The following PAK3 variants were observed in gnomAD, a reference collection of about 807,000 sequenced individuals.
The protein encoded by PAK3 is serine/threonine-protein kinase PAK 3.
A neutral mutation model predicts 41.0 loss-of-function variants in PAK3; 4 were observed. The ratio of observed to expected loss-of-function variants is 0.10; its 90% confidence interval spans 0.05 to 0.22. PAK3 has a LOEUF of 0.22. Ranked by LOEUF, PAK3 falls within the 10% of genes least tolerant of loss-of-function variation. The probability of loss-of-function intolerance (pLI) is 1.00; values close to 1 mark genes in which losing one functional copy is unlikely to be tolerated. For synonymous variants in PAK3, 146 were observed against 139.6 expected (o/e 1.05, Z -0.32); for missense variants, 205 against 409.9 (o/e 0.50, Z 4.32).
chrX:111,167,244 A>G (rs1603339883), intron 10 of PAK3, among the ~76,000 whole-genome samples: 1 of 111,271 alleles, frequency 9.0e-6, no homozygotes. Context: ...TCTTGGACTC[A>G]AAGGCCACAT....
Position 111,155,835 on chromosome X carries a change from C to T in PAK3, c.468+3388C>T, listed in dbSNP as rs146343864. Among the ~76,000 whole-genome samples, 24 of 111,224 alleles carry T rather than the reference C, an allele frequency of 2.2e-4. No homozygotes were observed. In the East Asian group the frequency reaches 5.7e-3, roughly 26 times the overall value. ...TGTGTTGGTGAGTAGAGCAAGGAAA[C>T]AAGGAATATGGGGTTGAATGAAAAC... On this transcript the variant is annotated intron_variant, in intron 8 of 17. Transcript: ENST00000372007.
chrX:111,031,795 A>G (rs760238700), intron 1 of PAK3, among the ~76,000 whole-genome samples: 1 of 111,685 alleles, frequency 9.0e-6, no homozygotes, highest in African/African-American at 3.2e-5. Context: ...TGGGATTTGT[A>G]TTTTTACTAA....
At chrX:111,074,493 C>A (rs1028478499) in intron 1 of PAK3, among the ~76,000 whole-genome samples, 1 of 111,686 alleles carries the variant, frequency 9.0e-6, no homozygotes, top group Admixed American at 9.5e-5. Context: ...AGGCCCTCAC[C>A]CAGAAGCTGA....
intron 4 of PAK3, among the ~76,000 whole-genome samples, chrX:111,115,455 A>AT (rs1182028769): frequency 8.9e-6 from 1 of 111,861 alleles, no homozygotes; most frequent in Non-Finnish European, 1.9e-5. Context: ...CTAAATGTTT[A>AT]TCCCCCACCA....
chrX:111,198,499 T>C (rs2094640800), intron 16 of PAK3, among the ~76,000 whole-genome samples: 1 of 112,347 alleles, frequency 8.9e-6, no homozygotes, highest in African/African-American at 3.2e-5. Flanking sequence ...AGTTGATTTT[T>C]GCATATGATG....
rs1352401031 is a variant in PAK3, at chrX:111,221,993, TTC to T, written c.*1548_*1549del. ...TTCAACAGTTGGCACTTCCTGAATC[TTC>T]TGAGAGTAGAAAAATATCTGCGGAG... On this transcript the variant is annotated 3_prime_UTR_variant, in exon 18 of 18. Transcript: ENST00000372007. The T allele has an allele frequency of 8.9e-6, 1 of 112,254 alleles. No homozygotes were observed. Among genetic ancestry groups the T allele is most frequent in the African/African-American group, 3.2e-5 (1 of 30,935 alleles). 9.3% of individuals were successfully genotyped at this position (112,254 alleles called of 1,213,427 possible). A position where few individuals can be genotyped will look rare whatever the true frequency, so the allele number is the denominator to read the frequency against.
chrX:110,993,599 A>G (rs2091688261), intron 1 of PAK3, among the ~76,000 whole-genome samples: 1 of 112,021 alleles, frequency 8.9e-6, no homozygotes, highest in African/African-American at 3.2e-5. Context: ...TAACTTGATC[A>G]ATATGTTACT....
At chrX:110,976,704 C>T (rs1207333337) in intron 1 of PAK3, among the ~76,000 whole-genome samples, 2 of 111,646 alleles carry the variant, frequency 1.8e-5, no homozygotes, top group East Asian at 2.8e-4. Flanking sequence ...GACTTGGAAC[C>T]AACCCAAATG....
rs375144673 is a variant in PAK3 at position 111,147,824 on chromosome X, G to A, written c.364G>A (p.Val122Ile). The part of the protein sequence containing the change: ...QKKNPQAVLD[V>I]LKFYDSKETV... ...GAAGAACCCACAAGCTGTTCTAGAT[G>A]TTCTCAAATTCTATGATTCCAAAGA... Residue 122 changes from valine (V) to isoleucine (I), a missense_variant, in exon 7 of 18, where the codon GTT becomes ATT. This residue lies in a region of PAK3 where 22 missense variants were observed against 83.5 expected (regional missense o/e 0.26). Transcript: ENST00000372007. 1.7e-6 allele frequency: 2 copies of A among 1,189,204 alleles called. No homozygotes were observed. The highest frequency in any genetic ancestry group is 2.3e-6 in the Non-Finnish European group (2 of 874,944).
intron 1 of PAK3, among the ~76,000 whole-genome samples, chrX:111,073,801 T>G (rs975537582): frequency 5.3e-5 from 6 of 112,189 alleles, no homozygotes; most frequent in African/African-American, 1.9e-4. Context: ...CCAATTCTTC[T>G]GAAACTCTTT....
At position 111,098,933 on chromosome X, in the gene PAK3, C is replaced by G. The variant is rs113721400; in HGVS notation, c.-176+1249C>G. ...GTCCCCCACCCCCACCCCCACCTGC[C>G]GGGGGCTAGGCGTTTCCCTCTGCAG... On this transcript the variant is annotated intron_variant, in intron 3 of 17. Transcript: ENST00000372007. 4 of 111,621 alleles carry G rather than the reference C, an allele frequency of 3.6e-5. No individual in the cohort carries two copies. In the East Asian group the frequency reaches 1.1e-3, roughly 32 times the overall value. The allele number at this position is 111,621 out of a possible 1,213,427, so 9.2% of individuals were successfully genotyped here.
intron 16 of PAK3, among the ~76,000 whole-genome samples, chrX:111,207,730 G>T (rs1261805652): frequency 8.9e-6 from 1 of 112,135 alleles, no homozygotes; most frequent in African/African-American, 3.2e-5. Flanking sequence ...CAGTGGTATT[G>T]ATGATCCTGA....
intron 10 of PAK3, among the ~76,000 whole-genome samples, chrX:111,168,150 C>T (rs1046287155): frequency 8.9e-6 from 1 of 111,889 alleles, no homozygotes; most frequent in Non-Finnish European, 1.9e-5. Flanking sequence ...GGTGGGAGTT[C>T]ACCTTAGCTT....
chrX:111,050,756 T>TG (rs2092549879), intron 1 of PAK3, among the ~76,000 whole-genome samples: 1 of 112,737 alleles, frequency 8.9e-6, no homozygotes, highest in Non-Finnish European at 1.9e-5. Context: ...TATCAGAGAC[T>TG]GATTGTTCTG....
At chrX:111,018,842 CT>C (rs1397133427) in intron 1 of PAK3, among the ~76,000 whole-genome samples, 1 of 111,761 alleles carries the variant, frequency 8.9e-6, no homozygotes, top group Non-Finnish European at 1.9e-5. Context: ...TCAAAACATA[CT>C]ACGAAGCTTA....
chrX:111,010,209 A>G (rs1314265462), intron 1 of PAK3, among the ~76,000 whole-genome samples: 2 of 111,785 alleles, frequency 1.8e-5, no homozygotes, highest in East Asian at 2.8e-4. Flanking sequence ...TTTTTGCAAA[A>G]TGTAAAGTGC....
At chrX:111,030,967 C>A (rs1482576292) in intron 1 of PAK3, among the ~76,000 whole-genome samples, 3 of 111,542 alleles carry the variant, frequency 2.7e-5, no homozygotes, top group African/African-American at 9.8e-5. Context: ...AACTGGCGAA[C>A]AACTAACTCC....
chrX:111,137,385 G>A (rs1405134178), intron 5 of PAK3, among the ~76,000 whole-genome samples: 4 of 110,817 alleles, frequency 3.6e-5, no homozygotes, highest in Admixed American at 9.6e-5. Flanking sequence ...AAATACCTGA[G>A]GAGTTTTAAA....
At chrX:111,200,135 C>CA (rs1359729410) in intron 16 of PAK3, among the ~76,000 whole-genome samples, 580 of 96,984 alleles carry the variant, frequency 6.0e-3, no homozygotes, top group African/African-American at 0.018. Flanking sequence ...CTTGGTATGC[C>CA]AAAAAAAAAA....
Sources: allele counts gnomAD v4.1 joint callset (sites outside exome capture counted in the v4.1 genomes callset), GRCh38; gene constraint gnomAD v4.1.1; regional missense constraint gnomAD v4.1.1; transcripts MANE v1.5; gene names NCBI Gene and HGNC (gene_info 2026-07-23, HGNC 2026-07-21).